The following CAMK1D variants were observed in gnomAD, a reference collection of about 807,000 sequenced individuals.
The protein encoded by CAMK1D is calcium/calmodulin dependent protein kinase ID.
A neutral mutation model predicts 47.7 loss-of-function variants in CAMK1D; 9 were observed. That is an observed-to-expected ratio of 0.19 (90% CI 0.11 to 0.33). The LOEUF is 0.33. Among genes scored for constraint, CAMK1D ranks in the 10% least tolerant of loss-of-function variants. CAMK1D has a pLI of 1.00. For synonymous variants in CAMK1D, 184 were observed against 184.9 expected, an observed-to-expected ratio of 0.99 and a Z score of 0.04; for missense variants, 291 against 488.7, an observed-to-expected ratio of 0.60 and a Z score of 3.81.
intron 3 of CAMK1D, among the ~76,000 whole-genome samples, chr10:12,690,669 A>C (rs1418645471): frequency 2.0e-5 from 3 of 152,170 alleles, no homozygotes; most frequent in African/African-American, 7.2e-5. Flanking sequence ...AACTGGCCTA[A>C]GGTCTGTGAC....
intron 1 of CAMK1D, among the ~76,000 whole-genome samples, chr10:12,363,494 A>C (rs1837741507): frequency 6.6e-6 from 1 of 152,006 alleles, no homozygotes; most frequent in Non-Finnish European, 1.5e-5. Flanking sequence ...ACCTCTGGTG[A>C]TCTGCCCTCT....
chr10:12,805,424 T>C (rs902291742), intron 6 of CAMK1D, among the ~76,000 whole-genome samples: 6 of 146,640 alleles, frequency 4.1e-5, no homozygotes, highest in Non-Finnish European at 8.9e-5. Flanking sequence ...CAGGCTAGAG[T>C]GCAGTGCGCG....
At position 12,501,673 on chromosome 10, in the gene CAMK1D, T is replaced by G. The variant is rs181692452; in HGVS notation, c.93-51552T>G. 2.3e-3 allele frequency among the ~76,000 whole-genome samples: 344 copies of G among 152,282 alleles called. 2 individuals carry two copies. Among genetic ancestry groups the G allele is most frequent in the African/African-American group, 8.0e-3 (331 of 41,556 alleles). On this transcript the variant is annotated intron_variant, in intron 1 of 10. Coordinates refer to ENST00000619168, the MANE Select transcript of CAMK1D (RefSeq NM_153498.4). ...TGATTTTTTTTCCCGCCAGGGGACA[T>G]TTGGTGACATCTGGAAACATTTGGG...
chr10:12,597,336 C>T (rs961614617), intron 2 of CAMK1D, among the ~76,000 whole-genome samples: 5 of 152,192 alleles, frequency 3.3e-5, no homozygotes, highest in African/African-American at 1.2e-4. Flanking sequence ...GGAAACTTGA[C>T]ATTGAACTTC....
chr10:12,376,387 T>G (rs1838183047), intron 1 of CAMK1D, among the ~76,000 whole-genome samples: 1 of 152,038 alleles, frequency 6.6e-6, no homozygotes. Context: ...TAGATCTGTG[T>G]GAAGAAGCTT....
intron 3 of CAMK1D, among the ~76,000 whole-genome samples, chr10:12,671,486 A>G (rs1478169040): frequency 6.6e-6 from 1 of 151,998 alleles, no homozygotes; most frequent in Admixed American, 6.6e-5. Context: ...CTTTTTGACG[A>G]TAGCCATCCT....
intron 2 of CAMK1D, among the ~76,000 whole-genome samples, chr10:12,661,797 C>T (rs566368136): frequency 3.9e-5 from 6 of 152,298 alleles, no homozygotes; most frequent in African/African-American, 1.4e-4. Flanking sequence ...GACTTCAATG[C>T]ACAGCAAAAT....
At chr10:12,795,958 C>T (rs1838180194) in intron 6 of CAMK1D, among the ~76,000 whole-genome samples, 1 of 152,246 alleles carries the variant, frequency 6.6e-6, no homozygotes, top group East Asian at 1.9e-4. Flanking sequence ...TCCAGTGTGA[C>T]GGGCTTGGCT....
Position 12,769,804 on chromosome 10 carries a change from G to A in CAMK1D, c.565+5G>A. 1.2e-6 allele frequency: 2 copies of A among 1,614,060 alleles called. No individual in the cohort carries two copies. The highest frequency in any genetic ancestry group is 1.7e-6 in the Non-Finnish European group (2 of 1,179,926). ...GTGGAACTCCAGGCTATGTCGGTAA[G>A]GACAGTGCATGTGCACACATGTGCC... On this transcript the variant is annotated splice_donor_5th_base_variant and intron_variant, in intron 5 of 10. Transcript: ENST00000619168.
intron 1 of CAMK1D, among the ~76,000 whole-genome samples, chr10:12,393,632 A>G (rs1267300987): frequency 2.6e-5 from 4 of 152,170 alleles, no homozygotes; most frequent in African/African-American, 9.7e-5. Context: ...GTAAGCAGAG[A>G]CCAAATCAAT....
At chr10:12,417,527 C>T (rs138183903) in intron 1 of CAMK1D, among the ~76,000 whole-genome samples, 18 of 152,270 alleles carry the variant, frequency 1.2e-4, no homozygotes, top group African/African-American at 4.1e-4. Context: ...AGAGGGCAGC[C>T]TCTGGGGCTC....
intron 1 of CAMK1D, among the ~76,000 whole-genome samples, chr10:12,392,585 C>T (rs61847400): frequency 0.16 from 23,803 of 152,058 alleles, 2,299 homozygotes; most frequent in East Asian, 0.32. Flanking sequence ...TTTGGAAATA[C>T]GTATACACTG....
At chr10:12,671,153 A>G (rs899206058) in intron 3 of CAMK1D, among the ~76,000 whole-genome samples, 2 of 152,176 alleles carry the variant, frequency 1.3e-5, no homozygotes, top group Non-Finnish European at 2.9e-5. Flanking sequence ...TTATTACCAA[A>G]TAATATTTTA....
intron 1 of CAMK1D, among the ~76,000 whole-genome samples, chr10:12,483,619 C>T (rs1834126036): frequency 1.3e-5 from 2 of 152,144 alleles, no homozygotes; most frequent in South Asian, 4.1e-4. Context: ...TCGCCTGGGC[C>T]TCCCAAAGCA....
At chr10:12,551,333 G>A (rs1836570254) in intron 1 of CAMK1D, among the ~76,000 whole-genome samples, 1 of 152,194 alleles carries the variant, frequency 6.6e-6, no homozygotes, top group African/African-American at 2.4e-5. Context: ...CTGATGATCT[G>A]TCACTGTGTC....
At chr10:12,799,189 G>C (rs913677906) in intron 6 of CAMK1D, among the ~76,000 whole-genome samples, 13 of 152,206 alleles carry the variant, frequency 8.5e-5, no homozygotes, top group African/African-American at 3.1e-4. Context: ...GTGGTGCACG[G>C]TGCCACCTTC....
intron 3 of CAMK1D, among the ~76,000 whole-genome samples, chr10:12,724,881 T>G (rs201470405): frequency 3.0e-5 from 4 of 132,850 alleles, no homozygotes; most frequent in African/African-American, 1.2e-4. Flanking sequence ...CCCCATCTCT[T>G]AAAAAACCAA....
chr10:12,685,674 C>A (rs1265620760), intron 3 of CAMK1D, among the ~76,000 whole-genome samples: 1 of 152,206 alleles, frequency 6.6e-6, no homozygotes, highest in East Asian at 1.9e-4. Flanking sequence ...CCTAGGCCTT[C>A]TCGCTGGTGA....
At chr10:12,621,599 A>G (rs1838999831) in intron 2 of CAMK1D, among the ~76,000 whole-genome samples, 2 of 151,874 alleles carry the variant, frequency 1.3e-5, no homozygotes, top group South Asian at 2.1e-4. Flanking sequence ...CTTATTTTCA[A>G]TGATTGTAAA....
Sources: allele counts gnomAD v4.1 joint callset (sites outside exome capture counted in the v4.1 genomes callset), GRCh38; gene constraint gnomAD v4.1.1; transcripts MANE v1.5; gene names NCBI Gene and HGNC (gene_info 2026-07-23, HGNC 2026-07-21).